CD86: variants seen among roughly 807,000 people sequenced by gnomAD.
The protein encoded by CD86 is CD86 molecule, also known as T-lymphocyte activation antigen CD86.
In CD86, 11 loss-of-function variants were observed where a neutral mutation model predicts 32.1. The ratio of observed to expected loss-of-function variants is 0.34; its 90% CI spans 0.22 to 0.57. The LOEUF (loss-of-function observed/expected upper bound fraction) is 0.57. Ranked by LOEUF, CD86 falls within the 20% of genes least tolerant of loss-of-function variation. The probability of loss-of-function intolerance (pLI) is 0.86; values close to 1 mark genes in which losing one functional copy is unlikely to be tolerated. For missense variants in CD86, 359 were observed against 398.4 expected, an observed-to-expected ratio of 0.90 and a Z score of 0.84; for synonymous variants, 137 against 135.3, an observed-to-expected ratio of 1.01 and a Z score of -0.09.
chr3:122,114,241 A>C (rs888533287), intron 5 of CD86, among the ~76,000 whole-genome samples: 1 of 151,334 alleles, frequency 6.6e-6, no homozygotes, highest in African/African-American at 2.5e-5. Context: ...ACAGAAGATC[A>C]AGATTCCGTC....
intron 1 of CD86, among the ~76,000 whole-genome samples, chr3:122,059,570 A>G (rs953872220): frequency 1.3e-5 from 2 of 151,164 alleles, no homozygotes; most frequent in African/African-American, 4.9e-5. Flanking sequence ...TCAAGTGGGG[A>G]GATGGATGCA....
chr3:122,109,654 G>T (rs58952062), intron 5 of CD86, among the ~76,000 whole-genome samples: 1 of 152,210 alleles, frequency 6.6e-6, no homozygotes, highest in African/African-American at 2.4e-5. Context: ...CTGGTTTCCA[G>T]GGAAAACTGA....
At chr3:122,057,757 C>G (rs2072260221) in intron 1 of CD86, among the ~76,000 whole-genome samples, 1 of 152,150 alleles carries the variant, frequency 6.6e-6, no homozygotes, top group Non-Finnish European at 1.5e-5. Flanking sequence ...TCAAAATACA[C>G]CCACTCTACC....
rs2072525919 is a variant in CD86 at position 122,074,131 on chromosome 3, G to A, written c.15-17470G>A. Among the ~76,000 whole-genome samples, 14 of 152,312 alleles carry A rather than the reference G, an allele frequency of 9.2e-5. No individual in the cohort carries two copies. In the South Asian group the frequency reaches 2.9e-3, roughly 32 times the overall value. ...GCCCCCATGCCACAGTGGGGAATGA[G>A]AATATCTACTGATGCTGGGCCCCAT... On this transcript the variant is annotated intron_variant, in intron 1 of 6. Coordinates refer to ENST00000330540, the MANE Select transcript of CD86 (RefSeq NM_175862.5).
At chr3:122,086,175 G>A (rs1052805857) in intron 1 of CD86, among the ~76,000 whole-genome samples, 1 of 152,206 alleles carries the variant, frequency 6.6e-6, no homozygotes, top group Non-Finnish European at 1.5e-5. Flanking sequence ...GTCTGACACT[G>A]AGTAGATGTA....
chr3:122,103,071 T>C (rs1399736285), intron 2 of CD86, among the ~76,000 whole-genome samples: 3 of 151,976 alleles, frequency 2.0e-5, no homozygotes, highest in Admixed American at 6.6e-5. Flanking sequence ...GGAAAGCTTT[T>C]GGTGATGGTG....
Position 122,091,647 on chromosome 3 carries a change from T to C in CD86, c.61T>C (p.Ser21Pro). ...TCTCTTTGTGATGGCCTTCCTGCTC[T>C]CTGGTAAGAACCTTTCAGCTTTGTT... ...NILFVMAFLL[S>P]GAAPLKIQAY... is the part of the protein sequence containing the mutation. Residue 21 changes from serine (S) to proline (P), a missense_variant, in exon 2 of 7, where the codon TCT becomes CCT. Ser to Pro is a moderately conservative substitution (Grantham distance 74). Transcript: ENST00000330540. 6.2e-7 allele frequency: 1 copy of C among 1,612,536 alleles called. No individual in the cohort carries two copies. Among genetic ancestry groups the C allele is most frequent in the South Asian group, 1.1e-5 (1 of 91,044 alleles).
At position 122,106,223 on chromosome 3, in the gene CD86, A is replaced by G. The variant is rs1445934357; in HGVS notation, c.426A>G (p.Val142=). 5 of 1,608,426 alleles carry G rather than the reference A, an allele frequency of 3.1e-6. No homozygotes were observed. The South Asian group carries it at 5.6e-5, about 18-fold the overall frequency. Residue 142 remains valine, a synonymous_variant, in exon 4 of 7, where the codon GTA becomes GTG. Coordinates refer to ENST00000330540, the MANE Select transcript of CD86 (RefSeq NM_175862.5). ...CTAACTTCAGTCAACCTGAAATAGT[A>G]CCAATTTCTAATATAACAGAAAATG... ...VLANFSQPEI[V]PISNITENVY...
At position 122,109,376 on chromosome 3, in the gene CD86, A is replaced by C; in HGVS notation, c.815A>C (p.Lys272Thr). The change falls in exon 5 of 7, where the codon AAG becomes ACG. Residue 272 changes from lysine (K) to threonine (T), a missense_variant. Transcript: ENST00000330540. ...VFCLILWKWKKKKRPRNSYKC... is the reference protein window; with the variant it reads ...VFCLILWKWKTKKRPRNSYKC... ...TGTCTAATTCTATGGAAATGGAAGA[A>C]GAAGAAGCGGCCTCGCAACTCTTAT... The C allele has an allele frequency of 8.7e-6, 14 of 1,614,168 alleles. No homozygotes were observed. The highest frequency in any genetic ancestry group is 1.2e-5 in the Non-Finnish European group (14 of 1,180,000).
intron 1 of CD86, among the ~76,000 whole-genome samples, chr3:122,074,340 C>A (rs4308217): frequency 0.26 from 38,847 of 152,138 alleles, 6,352 homozygotes; most frequent in Admixed American, 0.45. Flanking sequence ...TCTAAGCCAC[C>A]GGTATCATCT....
intron 2 of CD86, among the ~76,000 whole-genome samples, chr3:122,092,713 C>A (rs1375427507): frequency 6.6e-6 from 1 of 152,154 alleles, no homozygotes; most frequent in African/African-American, 2.4e-5. Flanking sequence ...AGGGAAGCCA[C>A]CCCACTAAGA....
At chr3:122,090,113 T>C (rs1343667279) in intron 1 of CD86, among the ~76,000 whole-genome samples, 14 of 152,192 alleles carry the variant, frequency 9.2e-5, no homozygotes, top group African/African-American at 2.9e-4. Context: ...GAGGCAGACT[T>C]GCTTTCCACT....
chr3:122,092,734 A>T (rs2072845249), intron 2 of CD86, among the ~76,000 whole-genome samples: 2 of 152,088 alleles, frequency 1.3e-5, no homozygotes, highest in African/African-American at 4.8e-5. Context: ...CAGGGAGGTG[A>T]ACTGAGCCTG....
At chr3:122,109,905 T>A (rs1395459455) in intron 5 of CD86, among the ~76,000 whole-genome samples, 16 of 152,214 alleles carry the variant, frequency 1.1e-4, no homozygotes. Flanking sequence ...TTTAACTAAT[T>A]TCTAAGTAAT....
At chr3:122,071,851 G>C (rs1330022376) in intron 1 of CD86, among the ~76,000 whole-genome samples, 1 of 150,050 alleles carries the variant, frequency 6.7e-6, no homozygotes, top group Non-Finnish European at 1.5e-5. Flanking sequence ...GCATTAGGAG[G>C]TAAATCTCCT....
chr3:122,110,237 T>C (rs1023695543), intron 5 of CD86, among the ~76,000 whole-genome samples: 2 of 152,204 alleles, frequency 1.3e-5, no homozygotes, highest in African/African-American at 2.4e-5. Context: ...CCAACCTCAT[T>C]TTTTGGACAC....
chr3:122,083,825 TA>T (rs1414339522), intron 1 of CD86, among the ~76,000 whole-genome samples: 1 of 152,244 alleles, frequency 6.6e-6, no homozygotes, highest in Admixed American at 6.5e-5. Context: ...AAATATTCGT[TA>T]ATAATTTGTA....
intron 1 of CD86, among the ~76,000 whole-genome samples, chr3:122,081,131 A>G (rs1421285352): frequency 1.3e-5 from 2 of 152,192 alleles, no homozygotes; most frequent in African/African-American, 2.4e-5. Flanking sequence ...TTGACTTTCC[A>G]TGCCCTATTA....
At chr3:122,099,135 AG>A (rs1263683593) in intron 2 of CD86, among the ~76,000 whole-genome samples, 2 of 152,246 alleles carry the variant, frequency 1.3e-5, no homozygotes, top group African/African-American at 4.8e-5. Flanking sequence ...CATGCACTCA[AG>A]GTTACCAAAA....
Sources: allele counts gnomAD v4.1 joint callset (sites outside exome capture counted in the v4.1 genomes callset), GRCh38; gene constraint gnomAD v4.1.1; transcripts MANE v1.5; gene names NCBI Gene and HGNC (gene_info 2026-07-23, HGNC 2026-07-21).